PEX5L: variants seen among roughly 807,000 people sequenced by gnomAD.
PEX5L encodes PEX5-related protein.
PEX5L carries 30 observed loss-of-function variants against 84.0 expected under a neutral mutation model. The ratio of observed to expected loss-of-function variants is 0.36; its 90% confidence interval spans 0.27 to 0.48. The LOEUF is 0.48. Ranked by LOEUF, PEX5L falls within the 20% of genes least tolerant of loss-of-function variation. The pLI, the probability that PEX5L is intolerant of heterozygous loss-of-function variation, is 0.99. For missense variants in PEX5L, 533 were observed against 754.6 expected, an observed-to-expected ratio of 0.71 and a Z score of 3.44; for synonymous variants, 270 against 283.1, an observed-to-expected ratio of 0.95 and a Z score of 0.46.
At chr3:179,931,648 A>T (rs1474283707) in intron 2 of PEX5L, among the ~76,000 whole-genome samples, 1 of 151,934 alleles carries the variant, frequency 6.6e-6, no homozygotes, top group Admixed American at 6.6e-5. Flanking sequence ...ACTTGCTATA[A>T]TTTTTTTTCT....
rs1736268844 is a variant in PEX5L at position 179,839,596 on chromosome 3, G to T, written c.822+19466C>A. Among the ~76,000 whole-genome samples the T allele has an allele frequency of 2.6e-5, 4 of 152,124 alleles. No individual in the cohort carries two copies. The South Asian group carries it at 8.3e-4, about 32-fold the overall frequency. ...GATTCTTTGGGTCCATTCACAGAAG[G>T]TTGAGTTCTATTTTTCAATGCCATA... is the stretch of plus-strand genomic sequence containing the variant. On this transcript the variant is annotated intron_variant, in intron 8 of 14. Coordinates refer to ENST00000467460, the MANE Select transcript of PEX5L (RefSeq NM_016559.3).
intron 5 of PEX5L, among the ~76,000 whole-genome samples, chr3:179,879,299 T>C (rs1473933589): frequency 6.6e-6 from 1 of 152,210 alleles, no homozygotes; most frequent in African/African-American, 2.4e-5. Flanking sequence ...GGAAAACATA[T>C]GGGCTTTGAG....
chr3:179,902,051 A>C lies in PEX5L; in HGVS notation c.94-3805T>G, dbSNP rs189830035. 14 of 152,358 alleles carry C rather than the reference A, an allele frequency of 9.2e-5. No homozygotes were observed. The East Asian group carries it at 2.3e-3, about 25-fold the overall frequency. 9.4% of individuals were successfully genotyped at this position (152,358 alleles called of 1,614,324 possible). On this transcript the variant is annotated intron_variant, in intron 2 of 14. Coordinates refer to ENST00000467460, the MANE Select transcript of PEX5L (RefSeq NM_016559.3). ...ATCTGTTTCACAGGGAAGGGGCTAAACTGTTTCAAGAGGCGACCACGCGCT... is the reference window on the plus strand; with the variant it reads ...ATCTGTTTCACAGGGAAGGGGCTAACCTGTTTCAAGAGGCGACCACGCGCT...
intron 4 of PEX5L, among the ~76,000 whole-genome samples, chr3:179,883,142 G>A (rs1754677469): frequency 6.6e-6 from 1 of 152,058 alleles, no homozygotes. Context: ...GTGTGTGTAT[G>A]CACATGTGTG....
At chr3:179,926,338 CTT>C (rs1404815485) in intron 2 of PEX5L, among the ~76,000 whole-genome samples, 1 of 152,190 alleles carries the variant, frequency 6.6e-6, no homozygotes, top group Non-Finnish European at 1.5e-5. Context: ...TTGGATCCTA[CTT>C]TCTCATTCAT....
chr3:179,887,833 G>GTTTAAT lies in PEX5L; in HGVS notation c.199-50_199-49insATTAAA, dbSNP rs754071368. 4 of 1,223,398 alleles carry GTTTAAT rather than the reference G, an allele frequency of 3.3e-6. No individual in the cohort carries two copies. The South Asian group carries it at 3.8e-5, about 12-fold the overall frequency. The allele number at this position is 1,223,398 out of a possible 1,614,324, so 75.8% of individuals were successfully genotyped here. On this transcript the variant is annotated intron_variant, in intron 3 of 14. Coordinates refer to ENST00000467460, the MANE Select transcript of PEX5L (RefSeq NM_016559.3). ...TCAAAGGGCTTTGTTAAACTGCAGA[G>GTTTAAT]TCAGATGAATTAAAATGCAGCCTTG...
chr3:179,851,224 G>C (rs1741726112), intron 8 of PEX5L, among the ~76,000 whole-genome samples: 1 of 152,176 alleles, frequency 6.6e-6, no homozygotes. Context: ...CTTATAAACA[G>C]CAAACATTTA....
chr3:179,819,035 C>CTTT (rs201033285), intron 9 of PEX5L, among the ~76,000 whole-genome samples: 21 of 138,138 alleles, frequency 1.5e-4, no homozygotes, highest in African/African-American at 5.0e-4. Context: ...ACAGTTCTTT[C>CTTT]TTTTTTTTTT....
In PEX5L at chr3:180,031,778, G is replaced by A. The variant is rs140956320; in HGVS notation, c.21+4801C>T. ...CTGCCAGATGTTTTGACTACATGGT[G>A]TATCACATCTTAATGTTTCCAGGAT... On this transcript the variant is annotated intron_variant, in intron 1 of 14. Transcript: ENST00000467460. 6.7e-4 allele frequency among the ~76,000 whole-genome samples: 102 copies of A among 152,294 alleles called. 2 individuals carry two copies. The East Asian group carries it at 0.019, about 29-fold the overall frequency.
intron 2 of PEX5L, among the ~76,000 whole-genome samples, chr3:179,961,195 ATGTGTATG>A (rs1345072475): frequency 0.024 from 3,288 of 139,872 alleles, 50 homozygotes; most frequent in African/African-American, 0.046. Flanking sequence ...TCACTTGTGT[ATGTGTATG>A]TGTGTGTGTG....
chr3:179,961,801 A>G (rs1385886773), intron 2 of PEX5L, among the ~76,000 whole-genome samples: 1 of 152,202 alleles, frequency 6.6e-6, no homozygotes, highest in African/African-American at 2.4e-5. Flanking sequence ...GTAATCACCG[A>G]GTTCACCTGC....
At chr3:179,937,485 T>TA (rs1774921775) in intron 2 of PEX5L, among the ~76,000 whole-genome samples, 1 of 152,216 alleles carries the variant, frequency 6.6e-6, no homozygotes, top group Admixed American at 6.5e-5. Context: ...CAAGCACACT[T>TA]ATCATCTTTC....
intron 2 of PEX5L, among the ~76,000 whole-genome samples, chr3:179,926,631 T>C (rs969036046): frequency 2.6e-5 from 4 of 152,236 alleles, no homozygotes; most frequent in Non-Finnish European, 5.9e-5. Context: ...AAAGGACTTA[T>C]TGCCAATTAT....
chr3:180,027,311 A>G (rs1386755169), intron 1 of PEX5L, among the ~76,000 whole-genome samples: 1 of 152,194 alleles, frequency 6.6e-6, no homozygotes, highest in Non-Finnish European at 1.5e-5. Context: ...GAAGTCTGCC[A>G]GTGCCCCAAT....
chr3:179,832,831 C>T (rs1203130388), intron 8 of PEX5L, among the ~76,000 whole-genome samples: 3 of 143,126 alleles, frequency 2.1e-5, no homozygotes, highest in African/African-American at 7.8e-5. Flanking sequence ...TACTTACCTA[C>T]CCTACCCACC....
chr3:179,812,779 C>G (rs549958241), intron 10 of PEX5L, among the ~76,000 whole-genome samples: 1 of 151,472 alleles, frequency 6.6e-6, no homozygotes, highest in South Asian at 2.1e-4. Context: ...TTCAAATTTG[C>G]TGGGGGTGGA....
intron 1 of PEX5L, among the ~76,000 whole-genome samples, chr3:180,023,313 T>C (rs368989483): frequency 8.5e-5 from 13 of 152,232 alleles, no homozygotes; most frequent in African/African-American, 2.4e-4. Context: ...GTGACTATTG[T>C]AGCAGAGATA....
intron 2 of PEX5L, among the ~76,000 whole-genome samples, chr3:179,931,405 T>A (rs1773072962): frequency 6.6e-6 from 1 of 152,178 alleles, no homozygotes; most frequent in Non-Finnish European, 1.5e-5. Flanking sequence ...CTGAGTTGGT[T>A]GGGGGCAGAC....
chr3:179,807,120 C>T (rs914627596), intron 14 of PEX5L, among the ~76,000 whole-genome samples: 65 of 152,124 alleles, frequency 4.3e-4, no homozygotes, highest in African/African-American at 1.5e-3. Context: ...CGACGAAGGA[C>T]GAGAATGAGA....
Sources: gnomAD v4.1 joint callset for allele counts (sites outside exome capture counted in the v4.1 genomes callset) on GRCh38, gnomAD v4.1.1 for gene constraint, MANE v1.5 for transcripts, NCBI Gene and HGNC (gene_info 2026-07-23, HGNC 2026-07-21) for gene names.